Variants in CDKAL1 observed in about 807,000 individuals in gnomAD.
CDKAL1 encodes the protein CDKAL1 threonylcarbamoyladenosine tRNA methylthiotransferase.
CDKAL1 carries 32 observed loss-of-function variants against 68.2 expected under a neutral mutation model. That is an observed-to-expected ratio of 0.47 (90% CI 0.35 to 0.63). The LOEUF is 0.63. CDKAL1 is among the 30% of genes least tolerant of loss of function. The pLI is 0.00. For missense variants in CDKAL1, 606 were observed against 696.7 expected, an observed-to-expected ratio of 0.87 and a Z score of 1.47; for synonymous variants, 234 against 244.3, an observed-to-expected ratio of 0.96 and a Z score of 0.39.
At chr6:20,571,776 G>A (rs1183600791) in intron 4 of CDKAL1, among the ~76,000 whole-genome samples, 1 of 151,822 alleles carries the variant, frequency 6.6e-6, no homozygotes, top group East Asian at 1.9e-4. Context: ...TTGATGTTGA[G>A]TAATTTTAAA....
intron 12 of CDKAL1, among the ~76,000 whole-genome samples, chr6:21,093,454 TG>T (rs1275394993): frequency 6.6e-6 from 1 of 151,980 alleles, no homozygotes; most frequent in African/African-American, 2.4e-5. Flanking sequence ...TCAGCACAGA[TG>T]AGAGGTGAGC....
Position 20,868,280 on chromosome 6 carries a change from T to A in CDKAL1, c.742+22102T>A, listed in dbSNP as rs559135138. 1.3e-4 allele frequency among the ~76,000 whole-genome samples: 20 copies of A among 152,362 alleles called. No homozygotes were observed. The South Asian group carries it at 3.1e-3, about 24-fold the overall frequency. ...AATCTGAAAGGGTCTGCTCCTTTTT[T>A]AGTTGATCCAGACTCCATTGATAAC... On this transcript the variant is annotated intron_variant, in intron 9 of 15. Transcript: ENST00000274695.
intron 9 of CDKAL1, among the ~76,000 whole-genome samples, chr6:20,943,719 A>T (rs1231016819): frequency 6.6e-6 from 1 of 150,880 alleles, no homozygotes; most frequent in East Asian, 1.9e-4. Flanking sequence ...AGCTGGTTTT[A>T]TGTCCTCGCC....
intron 10 of CDKAL1, among the ~76,000 whole-genome samples, chr6:20,992,503 C>T (rs1766883039): frequency 6.6e-6 from 1 of 152,118 alleles, no homozygotes; most frequent in Non-Finnish European, 1.5e-5. Context: ...TGCTTTGCCA[C>T]CTTAGTCAAG....
intron 9 of CDKAL1, among the ~76,000 whole-genome samples, chr6:20,913,116 TACAC>T (rs70990080): frequency 0.088 from 12,025 of 136,430 alleles, 548 homozygotes; most frequent in East Asian, 0.21. Flanking sequence ...CACAGTTGTT[TACAC>T]ACACACACAC....
chr6:20,690,860 G>A (rs1021319931), intron 5 of CDKAL1, among the ~76,000 whole-genome samples: 2 of 152,112 alleles, frequency 1.3e-5, no homozygotes, highest in African/African-American at 4.8e-5. Flanking sequence ...AGTTCATTGA[G>A]TAATATTCTT....
At chr6:20,846,353 A>C (rs533675387) in intron 9 of CDKAL1, among the ~76,000 whole-genome samples, 175 bp downstream of exon 9, 27 of 152,320 alleles carry the variant, frequency 1.8e-4, no homozygotes, top group African/African-American at 6.0e-4. Context: ...TTATTTTTAC[A>C]TTAATGACTC....
At chr6:20,785,067 C>T (rs935913670) in intron 8 of CDKAL1, among the ~76,000 whole-genome samples, 6 of 152,118 alleles carry the variant, frequency 3.9e-5, no homozygotes, top group Admixed American at 2.6e-4. Context: ...GCATCACTCT[C>T]ATCCTCTTGT....
chr6:20,710,230 C>T (rs940669411), intron 5 of CDKAL1, among the ~76,000 whole-genome samples: 7 of 152,088 alleles, frequency 4.6e-5, no homozygotes, highest in African/African-American at 1.7e-4. Context: ...GTAAATATTA[C>T]ATGCAACATT....
chr6:20,600,787 T>TATATAC (rs1432802885), intron 4 of CDKAL1, among the ~76,000 whole-genome samples: 6 of 146,906 alleles, frequency 4.1e-5, no homozygotes, highest in Non-Finnish European at 6.0e-5. Flanking sequence ...TATATATATA[T>TATATAC]ACACACACAC....
At chr6:20,858,087 G>T (rs1759430658) in intron 9 of CDKAL1, among the ~76,000 whole-genome samples, 1 of 152,142 alleles carries the variant, frequency 6.6e-6, no homozygotes, top group African/African-American at 2.4e-5. Flanking sequence ...TCGAATTCCT[G>T]ACCTCAAGTG....
At chr6:20,969,592 C>G (rs1378649352) in intron 10 of CDKAL1, among the ~76,000 whole-genome samples, 1 of 152,222 alleles carries the variant, frequency 6.6e-6, no homozygotes, top group Non-Finnish European at 1.5e-5. Context: ...AGTGAAATCT[C>G]TACCCACTTA....
At chr6:20,824,079 C>G (rs978631892) in intron 8 of CDKAL1, among the ~76,000 whole-genome samples, 1 of 152,010 alleles carries the variant, frequency 6.6e-6, no homozygotes, top group Non-Finnish European at 1.5e-5. Context: ...AGTCTACTTT[C>G]AAGTGGATTC....
At chr6:20,638,337 T>C (rs1045054910) in intron 4 of CDKAL1, among the ~76,000 whole-genome samples, 7 of 152,222 alleles carry the variant, frequency 4.6e-5, no homozygotes, top group African/African-American at 1.7e-4. Flanking sequence ...CCATATGTGT[T>C]TCATTTTTTC....
chr6:20,834,062 C>A (rs900624980), intron 8 of CDKAL1, among the ~76,000 whole-genome samples: 11 of 152,196 alleles, frequency 7.2e-5, no homozygotes, highest in Non-Finnish European at 1.5e-4. Flanking sequence ...CATAGACATT[C>A]AGCAGGTTTT....
chr6:20,812,099 T>A (rs540920496), intron 8 of CDKAL1, among the ~76,000 whole-genome samples: 1 of 152,304 alleles, frequency 6.6e-6, no homozygotes, highest in East Asian at 1.9e-4. Flanking sequence ...TTAGTTGGAA[T>A]TCCTCTGAAA....
intron 11 of CDKAL1, among the ~76,000 whole-genome samples, chr6:21,002,720 G>A (rs2150822639): frequency 6.6e-6 from 1 of 152,020 alleles, no homozygotes; most frequent in South Asian, 2.1e-4. Flanking sequence ...CAGTGCGGTG[G>A]CTCACACCTG....
intron 4 of CDKAL1, among the ~76,000 whole-genome samples, chr6:20,581,216 T>C (rs1765132251): frequency 6.6e-6 from 1 of 152,206 alleles, no homozygotes; most frequent in Non-Finnish European, 1.5e-5. Context: ...GAGCATTGGA[T>C]GTTGTTTGTT....
chr6:20,805,512 G>A (rs1776536480), intron 8 of CDKAL1, among the ~76,000 whole-genome samples: 1 of 152,236 alleles, frequency 6.6e-6, no homozygotes, highest in South Asian at 2.1e-4. Flanking sequence ...TTAAGGCACA[G>A]TGGAGTGAGG....
Sources: allele counts gnomAD v4.1 joint callset (sites outside exome capture counted in the v4.1 genomes callset), GRCh38; gene constraint gnomAD v4.1.1; transcripts MANE v1.5; gene names NCBI Gene and HGNC (gene_info 2026-07-23, HGNC 2026-07-21).